Variants in CNTN6 observed in about 807,000 individuals in gnomAD.
CNTN6 encodes the protein contactin-6.
Under a neutral mutation model 122.8 loss-of-function variants are expected in CNTN6, and 137 were observed. The observed-to-expected ratio is 1.12, with a 90% CI of 0.97 to 1.29. The LOEUF (loss-of-function observed/expected upper bound fraction) is 1.29, where lower values mean the gene tolerates loss of function less well. Ranked by LOEUF, CNTN6 falls within the 50% of genes most tolerant of loss-of-function variation. The pLI is 0.00. For missense variants in CNTN6, 1,634 were observed against 1,223.4 expected, an observed-to-expected ratio of 1.34 and a Z score of -5.01; for synonymous variants, 570 against 426.0, an observed-to-expected ratio of 1.34 and a Z score of -4.16.
intron 20 of CNTN6, among the ~76,000 whole-genome samples, chr3:1,394,913 G>A (rs1290873245): frequency 1.3e-5 from 2 of 152,132 alleles, no homozygotes; most frequent in Non-Finnish European, 2.9e-5. Context: ...AAGACACAAC[G>A]TTAGAATACC....
intron 20 of CNTN6, among the ~76,000 whole-genome samples, chr3:1,398,785 C>T (rs1695294484): frequency 6.6e-6 from 1 of 152,026 alleles, no homozygotes; most frequent in African/African-American, 2.4e-5. Flanking sequence ...ACATCAAAGC[C>T]CAACTCTTCT....
chr3:1,280,883 A>C (rs888845140), intron 5 of CNTN6, among the ~76,000 whole-genome samples: 3 of 152,176 alleles, frequency 2.0e-5, no homozygotes, highest in African/African-American at 7.2e-5. Context: ...GTTAAGGGAC[A>C]CTCTCAACTT....
chr3:1,153,346 C>G (rs1042708169), intron 2 of CNTN6, among the ~76,000 whole-genome samples: 10 of 152,196 alleles, frequency 6.6e-5, no homozygotes, highest in African/African-American at 2.2e-4. Context: ...GTTTCTCCTA[C>G]TGTATTAATT....
intron 16 of CNTN6, among the ~76,000 whole-genome samples, chr3:1,375,985 T>C (rs920511923): frequency 3.3e-5 from 5 of 152,032 alleles, no homozygotes; most frequent in Non-Finnish European, 5.9e-5. Flanking sequence ...ACTTACATAT[T>C]TTAATCCCTG....
In CNTN6 at chr3:1,385,664, C is replaced by A. The variant is rs1001766415; in HGVS notation, c.2571C>A (p.Val857=). 2.5e-6 allele frequency: 4 copies of A among 1,613,898 alleles called. No homozygotes were observed. The highest frequency in any genetic ancestry group is 2.5e-6 in the Non-Finnish European group (3 of 1,179,934). ...AATCCATGATAGGTAAAATTAGAGT[C>A]AGTGGAAATGTCACAACCAAAAACA... ...SKESMIGKIR[V]SGNVTTKNIT... Residue 857 remains valine (V), a synonymous_variant, in exon 20 of 23, where the codon GTC becomes GTA. Transcript: ENST00000446702.
intron 2 of CNTN6, among the ~76,000 whole-genome samples, chr3:1,203,198 C>CA (rs1412917226): frequency 6.6e-6 from 1 of 152,034 alleles, no homozygotes. Flanking sequence ...ACAACAGTAG[C>CA]AAAAATGTCT....
At chr3:1,233,546 C>G (rs147249170) in intron 4 of CNTN6, among the ~76,000 whole-genome samples, 2 of 151,576 alleles carry the variant, frequency 1.3e-5, no homozygotes, top group Non-Finnish European at 2.9e-5. Context: ...CCAGCCTGGC[C>G]AACATAGTGA....
intron 2 of CNTN6, among the ~76,000 whole-genome samples, chr3:1,207,388 C>G (rs1289003213): frequency 1.3e-5 from 2 of 152,116 alleles, no homozygotes; most frequent in Non-Finnish European, 2.9e-5. Flanking sequence ...TGGTCCCAGC[C>G]ACCATTATTT....
chr3:1,295,494 A>C (rs1696054842), intron 5 of CNTN6, 107 bp from the exon 6 acceptor site: 2 of 881,714 alleles, frequency 2.3e-6, no homozygotes, highest in Non-Finnish European at 3.5e-6. Context: ...TAGAGGCACA[A>C]TTTTCTCCTA....
rs2094552727 is a variant in CNTN6, at chr3:1,245,241, C to CATATATATAT, written c.358+17249_358+17250insTATATATATA. On this transcript the variant is annotated intron_variant, in intron 4 of 22. Coordinates refer to ENST00000446702, the MANE Select transcript of CNTN6 (RefSeq NM_001289080.2). ...ATATATATATATATATATATACACA[C>CATATATATAT]ACACATATATATATAACATATATAT... 1.7e-4 allele frequency among the ~76,000 whole-genome samples: 2 copies of CATATATATAT among 11,472 alleles called. 1 individual carries two copies. Among genetic ancestry groups the CATATATATAT allele is most frequent in the African/African-American group, 1.3e-3 (2 of 1,524 alleles). The allele number at this position is 11,472 out of a possible 152,430, so 7.5% of individuals were successfully genotyped here.
At chr3:1,104,090 CAG>C (rs1327721091) in intron 1 of CNTN6, among the ~76,000 whole-genome samples, 5 of 152,168 alleles carry the variant, frequency 3.3e-5, no homozygotes, top group Non-Finnish European at 7.4e-5. Flanking sequence ...ATGAACAAGA[CAG>C]AGAAGAGTTC....
In CNTN6 at chr3:1,402,304, C is replaced by G; in HGVS notation, c.2818-14C>G. On this transcript the variant is annotated splice_polypyrimidine_tract_variant and intron_variant, in intron 21 of 22. Transcript: ENST00000446702. ...CAACATGTCCATGTTAACTTGATAC[C>G]TCATTTTATTCAGATTCTGTACCGG... 6.3e-7 allele frequency: 1 copy of G among 1,595,590 alleles called. No individual in the cohort carries two copies. Among genetic ancestry groups the G allele is most frequent in the Non-Finnish European group, 8.6e-7 (1 of 1,168,540 alleles).
intron 12 of CNTN6, among the ~76,000 whole-genome samples, chr3:1,356,836 A>T (rs1432700415): frequency 6.6e-6 from 1 of 151,902 alleles, no homozygotes; most frequent in Non-Finnish European, 1.5e-5. Flanking sequence ...AGGAGTTATT[A>T]TACTGGTCAG....
At chr3:1,363,104 A>T (rs1707717865) in intron 12 of CNTN6, among the ~76,000 whole-genome samples, 1 of 152,018 alleles carries the variant, frequency 6.6e-6, no homozygotes, top group East Asian at 1.9e-4. Context: ...TTAAAAAAAT[A>T]AAAATTTCAT....
chr3:1,337,849 T>A (rs906391834), intron 11 of CNTN6, among the ~76,000 whole-genome samples: 1 of 152,162 alleles, frequency 6.6e-6, no homozygotes, highest in Non-Finnish European at 1.5e-5. Context: ...GCTAAAATCC[T>A]GTGTGTGCCC....
chr3:1,356,678 T>C (rs2126089188), intron 12 of CNTN6, among the ~76,000 whole-genome samples: 1 of 151,866 alleles, frequency 6.6e-6, no homozygotes, highest in South Asian at 2.1e-4. Context: ...ACCAGAGAAG[T>C]CTCCAGCAGC....
At chr3:1,248,478 T>A (rs1017340793) in intron 4 of CNTN6, among the ~76,000 whole-genome samples, 3 of 152,180 alleles carry the variant, frequency 2.0e-5, no homozygotes, top group African/African-American at 7.2e-5. Flanking sequence ...CTATTATAAT[T>A]TCAATTTTAT....
intron 1 of CNTN6, among the ~76,000 whole-genome samples, chr3:1,111,134 G>A (rs1234400498): frequency 6.6e-6 from 1 of 152,164 alleles, no homozygotes; most frequent in Non-Finnish European, 1.5e-5. Context: ...GCAACTAGTA[G>A]TGAATTTCAG....
At chr3:1,188,854 T>C (rs1461771163) in intron 2 of CNTN6, among the ~76,000 whole-genome samples, 1 of 152,198 alleles carries the variant, frequency 6.6e-6, no homozygotes, top group African/African-American at 2.4e-5. Flanking sequence ...GTTTTCTTTA[T>C]TGACCCAATT....
Sources: gnomAD v4.1 joint callset for allele counts (sites outside exome capture counted in the v4.1 genomes callset) on GRCh38, gnomAD v4.1.1 for gene constraint, MANE v1.5 for transcripts, NCBI Gene and HGNC (gene_info 2026-07-23, HGNC 2026-07-21) for gene names.